ROCK1: variants seen among roughly 807,000 people sequenced by gnomAD.
The protein encoded by ROCK1 is Rho associated coiled-coil containing protein kinase 1.
In ROCK1, 36 loss-of-function variants were observed where a neutral mutation model predicts 196.8. The ratio of observed to expected loss-of-function variants is 0.18; its 90% CI spans 0.14 to 0.24. The LOEUF is 0.24. Among genes scored for constraint, ROCK1 ranks in the 10% least tolerant of loss-of-function variants. The pLI is 1.00. For missense variants in ROCK1, 920 were observed against 1,562.0 expected (o/e 0.59, Z 6.93); for synonymous variants, 443 against 515.9 (o/e 0.86, Z 1.91).
intron 1 of ROCK1, among the ~76,000 whole-genome samples, chr18:21,077,861 G>A (rs1180840508): frequency 3.3e-5 from 5 of 152,170 alleles, no homozygotes; most frequent in African/African-American, 1.2e-4. Flanking sequence ...TTTTTGGTAT[G>A]TATTGGAGCA....
chr18:21,015,062 A>G (rs2035851500), intron 13 of ROCK1, among the ~76,000 whole-genome samples: 1 of 152,198 alleles, frequency 6.6e-6, no homozygotes, highest in African/African-American at 2.4e-5. Flanking sequence ...AATCTTTTAA[A>G]AATATTTTAA....
At chr18:21,047,792 C>A (rs181310085) in intron 4 of ROCK1, among the ~76,000 whole-genome samples, 1 of 149,010 alleles carries the variant, frequency 6.7e-6, no homozygotes, top group African/African-American at 2.5e-5. Flanking sequence ...AGCGAGACTC[C>A]GTCTCAAAAA....
At position 20,950,855 on chromosome 18, in the gene ROCK1, T is replaced by C. The variant is rs2035179598; in HGVS notation, c.*529A>G. On this transcript the variant is annotated 3_prime_UTR_variant, in exon 33 of 33. Transcript: ENST00000399799. ...CTTTTAAATTCTACAGTGAGGGCACTGAAGTTCAAGTGATATCACTGCTTT... is the reference window on the plus strand; with the variant it reads ...CTTTTAAATTCTACAGTGAGGGCACCGAAGTTCAAGTGATATCACTGCTTT... 6.6e-6 allele frequency: 1 copy of C among 152,624 alleles called. No individual in the cohort carries two copies. Among genetic ancestry groups the C allele is most frequent in the Non-Finnish European group, 1.5e-5 (1 of 68,060 alleles). 9.5% of individuals were successfully genotyped at this position (152,624 alleles called of 1,614,324 possible).
intron 2 of ROCK1, among the ~76,000 whole-genome samples, chr18:21,054,731 G>A (rs1353978745): frequency 6.6e-6 from 1 of 152,022 alleles, no homozygotes; most frequent in African/African-American, 2.4e-5. Flanking sequence ...TATACCCACA[G>A]ATAATACTTA....
chr18:21,027,167 G>A (rs1261224154), intron 10 of ROCK1, among the ~76,000 whole-genome samples: 2 of 152,082 alleles, frequency 1.3e-5, no homozygotes, highest in Non-Finnish European at 1.5e-5. Context: ...ACGAACTCTT[G>A]ACCTCAAGTG....
intron 16 of ROCK1, among the ~76,000 whole-genome samples, chr18:20,999,822 C>T (rs2035707078): frequency 6.6e-6 from 1 of 152,194 alleles, no homozygotes. Flanking sequence ...AGACAGGCTT[C>T]GCCATGTTGC....
intron 27 of ROCK1, among the ~76,000 whole-genome samples, chr18:20,964,554 G>C (rs569069026): frequency 6.6e-5 from 10 of 152,142 alleles, no homozygotes; most frequent in African/African-American, 2.4e-4. Context: ...CAGCACTGTT[G>C]AGATTTTATA....
rs559060269 is a variant in ROCK1 at position 21,035,199 on chromosome 18, T to G, written c.1051+4273A>C. On this transcript the variant is annotated intron_variant, in intron 9 of 32. Transcript: ENST00000399799. ...GACCCATGTGCACTGCCGTTGGGAA[T>G]GTGAAACGGTGCAAACATTGTGGAT... Among the ~76,000 whole-genome samples the G allele has an allele frequency of 7.4e-4, 113 of 152,350 alleles. No individual in the cohort carries two copies. In the South Asian group the frequency reaches 9.9e-3, roughly 13 times the overall value.
chr18:21,077,264 C>T lies in ROCK1; in HGVS notation c.94-6651G>A, dbSNP rs539718583. 3.3e-5 allele frequency among the ~76,000 whole-genome samples: 5 copies of T among 152,222 alleles called. No individual in the cohort carries two copies. The East Asian group carries it at 5.8e-4, about 18-fold the overall frequency. ...CTGGGATTACAGGCGTGAGCCACCG[C>T]GCCCGGCCAAGGACAGTCTTAAGTC... is the stretch of plus-strand genomic sequence containing the variant. On this transcript the variant is annotated intron_variant, in intron 1 of 32. Transcript: ENST00000399799.
intron 10 of ROCK1, among the ~76,000 whole-genome samples, chr18:21,025,888 A>G (rs1294999401): frequency 1.3e-5 from 2 of 152,192 alleles, no homozygotes; most frequent in African/African-American, 4.8e-5. Flanking sequence ...TACTTTTAAG[A>G]AACTTAAAAA....
At chr18:21,033,513 T>A (rs1322131499) in intron 9 of ROCK1, among the ~76,000 whole-genome samples, 1 of 152,138 alleles carries the variant, frequency 6.6e-6, no homozygotes, top group East Asian at 1.9e-4. Context: ...ATAAAAGGCA[T>A]ATAAATTGGA....
intron 1 of ROCK1, among the ~76,000 whole-genome samples, chr18:21,104,749 A>C (rs2036689519): frequency 6.6e-6 from 1 of 152,232 alleles, no homozygotes; most frequent in Non-Finnish European, 1.5e-5. Flanking sequence ...ACAAGATAAC[A>C]ACTCAATCTC....
At chr18:20,966,759 A>C (rs1201782952) in intron 27 of ROCK1, among the ~76,000 whole-genome samples, 158 bp downstream of exon 27, 3 of 152,166 alleles carry the variant, frequency 2.0e-5, no homozygotes, top group East Asian at 1.9e-4. Flanking sequence ...AAATACACCA[A>C]GTGTATAATC....
At chr18:21,017,836 G>C (rs942845809) in intron 12 of ROCK1, among the ~76,000 whole-genome samples, 1 of 151,762 alleles carries the variant, frequency 6.6e-6, no homozygotes, top group African/African-American at 2.4e-5. Flanking sequence ...AGCCAGGCAT[G>C]GTGGCGGGCG....
chr18:20,959,164 TTA>T (rs1364452782), intron 29 of ROCK1, among the ~76,000 whole-genome samples: 3 of 72,742 alleles, frequency 4.1e-5, no homozygotes, highest in Non-Finnish European at 7.0e-5. Context: ...ATATTATATA[TTA>T]TATAATATAT....
chr18:21,004,771 A>C (rs923087887), intron 16 of ROCK1, among the ~76,000 whole-genome samples: 1 of 152,222 alleles, frequency 6.6e-6, no homozygotes, highest in Non-Finnish European at 1.5e-5. Flanking sequence ...AAGCTGTATA[A>C]AAAGGCCTAG....
intron 17 of ROCK1, among the ~76,000 whole-genome samples, chr18:20,992,302 T>A (rs1293213191): frequency 6.6e-6 from 1 of 152,240 alleles, no homozygotes; most frequent in East Asian, 1.9e-4. Flanking sequence ...TTTGAAAAAG[T>A]GACAGCTGTA....
chr18:21,048,220 C>T (rs537052883), intron 4 of ROCK1, among the ~76,000 whole-genome samples: 14 of 152,260 alleles, frequency 9.2e-5, no homozygotes, highest in African/African-American at 3.4e-4. Context: ...GCAATCAAGA[C>T]GAGGACCTAA....
At chr18:20,973,381 G>T (rs904857354) in intron 22 of ROCK1, among the ~76,000 whole-genome samples, 19 of 151,124 alleles carry the variant, frequency 1.3e-4, no homozygotes, top group African/African-American at 4.6e-4. Flanking sequence ...AGGTTCAAGC[G>T]ATTCTCCTGC....
Sources: allele counts gnomAD v4.1 joint callset (sites outside exome capture counted in the v4.1 genomes callset), GRCh38; gene constraint gnomAD v4.1.1; transcripts MANE v1.5; gene names NCBI Gene and HGNC (gene_info 2026-07-23, HGNC 2026-07-21).